Variants in PDE1A observed in about 807,000 individuals in gnomAD.
The protein encoded by PDE1A is phosphodiesterase 1A, also known as dual specificity calcium/calmodulin-dependent 3',5'-cyclic nucleotide phosphodiesterase 1A.
In PDE1A, 35 loss-of-function variants were observed where a neutral mutation model predicts 61.7. That is an observed-to-expected ratio of 0.57 (90% CI 0.43 to 0.75). The LOEUF is 0.75. Among genes scored for constraint, PDE1A ranks in the 30% least tolerant of loss-of-function variants. The pLI is 0.00. For synonymous variants in PDE1A, 232 were observed against 213.2 expected (o/e 1.09, Z -0.77); for missense variants, 597 against 630.6 (o/e 0.95, Z 0.57).
chr2:182,528,919 G>A, the PDE1A span, among the ~76,000 whole-genome samples: 1 of 152,200 alleles, frequency 6.6e-6, no homozygotes, highest in Admixed American at 6.5e-5. Context: ...GATTTCAGAG[G>A]ATGTATGGAA....
the PDE1A span, among the ~76,000 whole-genome samples, chr2:182,534,342 T>G: frequency 6.6e-6 from 1 of 152,014 alleles, no homozygotes; most frequent in Non-Finnish European, 1.5e-5. Context: ...ACATCTCTAT[T>G]TCTTAAAACA....
At chr2:182,331,908 G>T (rs1697436829) in intron 1 of PDE1A, among the ~76,000 whole-genome samples, 1 of 152,142 alleles carries the variant, frequency 6.6e-6, no homozygotes, top group Non-Finnish European at 1.5e-5. Flanking sequence ...TTGCTAGGTT[G>T]GGGAAGTTCT....
chr2:182,435,364 G>C (rs1022280183), intron 2 of PDE1A, among the ~76,000 whole-genome samples: 2 of 151,988 alleles, frequency 1.3e-5, no homozygotes, highest in African/African-American at 4.8e-5. Flanking sequence ...ACAGGGGTTG[G>C]AAGGATGAAT....
chr2:182,302,360 C>T (rs1175572755), intron 1 of PDE1A, among the ~76,000 whole-genome samples: 4 of 152,158 alleles, frequency 2.6e-5, no homozygotes, highest in Admixed American at 6.5e-5. Context: ...TGCAATAGCG[C>T]AAATGTGAGT....
At chr2:182,159,721 G>A (rs1457109527) in intron 13 of PDE1A, among the ~76,000 whole-genome samples, 2 of 152,192 alleles carry the variant, frequency 1.3e-5, no homozygotes, top group African/African-American at 4.8e-5. Context: ...TTGGGAGGCT[G>A]AGGAGAGAGG....
At chr2:182,213,293 T>G in intron 7 of PDE1A, among the ~76,000 whole-genome samples, 3 of 126,346 alleles carry the variant, frequency 2.4e-5, no homozygotes, top group Admixed American at 8.4e-5. Context: ...AGACCAAAAG[T>G]AGATAAAACC....
chr2:182,518,567 G>A (rs987070862), intron 2 of PDE1A, among the ~76,000 whole-genome samples: 2 of 152,146 alleles, frequency 1.3e-5, no homozygotes, highest in African/African-American at 4.8e-5. Flanking sequence ...GGAGGTATGT[G>A]TCGAGACGTG....
At chr2:182,399,443 T>C (rs1701881332) in intron 1 of PDE1A, among the ~76,000 whole-genome samples, 1 of 151,992 alleles carries the variant, frequency 6.6e-6, no homozygotes, top group Non-Finnish European at 1.5e-5. Flanking sequence ...TTTAATACAT[T>C]CTACATCATG....
At chr2:182,361,684 C>G (rs939073196) in intron 1 of PDE1A, among the ~76,000 whole-genome samples, 1 of 152,034 alleles carries the variant, frequency 6.6e-6, no homozygotes, top group Non-Finnish European at 1.5e-5. Flanking sequence ...GCTCACAAAA[C>G]AGCTGGATCC....
chr2:182,376,741 T>C (rs1365937414), intron 1 of PDE1A, among the ~76,000 whole-genome samples: 1 of 152,188 alleles, frequency 6.6e-6, no homozygotes, highest in Non-Finnish European at 1.5e-5. Flanking sequence ...TACCTAAGAC[T>C]GGGCAATTTA....
chr2:182,390,460 A>G (rs1701357497), intron 1 of PDE1A, among the ~76,000 whole-genome samples: 1 of 152,230 alleles, frequency 6.6e-6, no homozygotes, highest in Non-Finnish European at 1.5e-5. Context: ...GTGGAGAACC[A>G]AGGAATATAA....
intron 7 of PDE1A, among the ~76,000 whole-genome samples, chr2:182,210,045 T>C (rs1687454415): frequency 6.6e-6 from 1 of 151,986 alleles, no homozygotes; most frequent in Non-Finnish European, 1.5e-5. Flanking sequence ...AGTCACCTAC[T>C]GAAGGACATC....
chr2:182,183,086 A>T (rs1230222577), intron 13 of PDE1A, among the ~76,000 whole-genome samples: 1 of 152,176 alleles, frequency 6.6e-6, no homozygotes, highest in Non-Finnish European at 1.5e-5. Flanking sequence ...TAATATAGTA[A>T]TAACAGCTAA....
At chr2:182,579,110 C>A in the PDE1A span, among the ~76,000 whole-genome samples, 1 of 152,126 alleles carries the variant, frequency 6.6e-6, no homozygotes, top group African/African-American at 2.4e-5. Flanking sequence ...AAGCTCAGAG[C>A]CACTTAATTC....
intron 1 of PDE1A, among the ~76,000 whole-genome samples, chr2:182,385,374 A>C (rs984309457): frequency 6.6e-6 from 1 of 152,126 alleles, no homozygotes; most frequent in African/African-American, 2.4e-5. Flanking sequence ...AAGAAATATG[A>C]AATATAAAAA....
chr2:182,209,549 G>C (rs192491731), intron 7 of PDE1A, among the ~76,000 whole-genome samples: 2 of 151,054 alleles, frequency 1.3e-5, no homozygotes, highest in Non-Finnish European at 3.0e-5. Flanking sequence ...TGTGTCCCCC[G>C]CCCAAATCTC....
intron 1 of PDE1A, among the ~76,000 whole-genome samples, chr2:182,399,388 G>T (rs1382151848): frequency 6.6e-6 from 1 of 151,754 alleles, no homozygotes; most frequent in Non-Finnish European, 1.5e-5. Flanking sequence ...GTTAAATCCT[G>T]CCCCCTCTGC....
At chr2:182,611,169 G>A in the PDE1A span, among the ~76,000 whole-genome samples, 2 of 152,096 alleles carry the variant, frequency 1.3e-5, no homozygotes, top group Admixed American at 6.5e-5. Flanking sequence ...CCTACAATAC[G>A]TAAGTGAGTG....
At chr2:182,165,367 G>A (rs919719150), downstream of PDE1A, among the ~76,000 whole-genome samples, 1 of 152,098 alleles carries the variant, frequency 6.6e-6, no homozygotes, top group Non-Finnish European at 1.5e-5. Flanking sequence ...ACTGTGACCC[G>A]GCTGCTTTGG....
Sources: allele counts gnomAD v4.1 joint callset (sites outside exome capture counted in the v4.1 genomes callset), GRCh38; gene constraint gnomAD v4.1.1; transcripts MANE v1.5; gene names NCBI Gene and HGNC (gene_info 2026-07-23, HGNC 2026-07-21).